LGR5: variants seen among roughly 807,000 people sequenced by gnomAD.
The protein encoded by LGR5 is leucine-rich repeat-containing G protein-coupled receptor 5.
Under a neutral mutation model 76.7 loss-of-function variants are expected in LGR5, and 54 were observed. The ratio of observed to expected loss-of-function variants is 0.70; its 90% CI spans 0.57 to 0.88. LGR5 has a LOEUF of 0.88. LGR5 is among the 40% of genes least tolerant of loss of function. The pLI is 0.00. For synonymous variants in LGR5, 406 were observed against 421.9 expected (o/e 0.96, Z 0.46); for missense variants, 1,078 against 1,073.3 (o/e 1.00, Z -0.06).
Position 71,552,525 on chromosome 12 carries a change from A to G in LGR5, c.429-548A>G, listed in dbSNP as rs999598487. Among the ~76,000 whole-genome samples, 79 of 150,940 alleles carry G rather than the reference A, an allele frequency of 5.2e-4. 1 individual carries two copies. Among genetic ancestry groups the G allele is most frequent in the Non-Finnish European group, 8.8e-5 (6 of 67,910 alleles). ...GGTTGCAGTGAGCCGAGATCGCGCCATTGCACTCCAGCCTGGGCGACAAGA... is the reference window on the plus strand; with the variant it reads ...GGTTGCAGTGAGCCGAGATCGCGCCGTTGCACTCCAGCCTGGGCGACAAGA... On this transcript the variant is annotated intron_variant, in intron 4 of 17. Transcript: ENST00000266674.
intron 1 of LGR5, among the ~76,000 whole-genome samples, chr12:71,502,944 A>G (rs1365832742): frequency 6.6e-6 from 1 of 152,238 alleles, no homozygotes; most frequent in African/African-American, 2.4e-5. Flanking sequence ...ACAGAAAAAT[A>G]TGAGAGAAAA....
intron 4 of LGR5, among the ~76,000 whole-genome samples, chr12:71,540,370 T>C (rs1876814433): frequency 6.6e-6 from 1 of 152,264 alleles, no homozygotes; most frequent in East Asian, 1.9e-4. Context: ...GGTTGGCAAA[T>C]AGAAAATGAA....
intron 8 of LGR5, among the ~76,000 whole-genome samples, chr12:71,565,107 C>A (rs1172832831): frequency 6.6e-6 from 1 of 151,972 alleles, no homozygotes; most frequent in Non-Finnish European, 1.5e-5. Flanking sequence ...TATTCCAGCT[C>A]TAGCTCTTTC....
At chr12:71,566,289 T>C in intron 8 of LGR5, 115 bp from the exon 9 acceptor site, 2 of 699,140 alleles carry the variant, frequency 2.9e-6, no homozygotes, top group East Asian at 5.4e-5. Context: ...TGTTATGTAA[T>C]ACAGTATAAT....
chr12:71,562,305 A>C (rs552495325), intron 8 of LGR5, among the ~76,000 whole-genome samples: 13 of 152,360 alleles, frequency 8.5e-5, no homozygotes, highest in African/African-American at 3.1e-4. Context: ...CTAAGCCTCT[A>C]TCTCCATTCA....
intron 2 of LGR5, among the ~76,000 whole-genome samples, chr12:71,516,146 A>G (rs1250833889): frequency 1.3e-5 from 2 of 152,192 alleles, no homozygotes; most frequent in African/African-American, 2.4e-5. Flanking sequence ...AAATAACAGT[A>G]GGAAATGCAA....
chr12:71,517,032 T>C (rs1875479998), intron 2 of LGR5, among the ~76,000 whole-genome samples: 1 of 152,030 alleles, frequency 6.6e-6, no homozygotes, highest in Non-Finnish European at 1.5e-5. Context: ...TGACCAAATG[T>C]TATGTTGCTC....
At chr12:71,490,745 C>T (rs1343004534) in intron 1 of LGR5, among the ~76,000 whole-genome samples, 1 of 152,022 alleles carries the variant, frequency 6.6e-6, no homozygotes, top group Non-Finnish European at 1.5e-5. Context: ...TGAGCCAGGA[C>T]TCCCAAGGCC....
chr12:71,491,949 T>G (rs1456861055), intron 1 of LGR5, among the ~76,000 whole-genome samples: 2 of 151,792 alleles, frequency 1.3e-5, no homozygotes, highest in African/African-American at 4.8e-5. Context: ...ATTGGAGTAT[T>G]ATAGTGACTA....
chr12:71,546,085 G>A (rs1336182066), intron 4 of LGR5, among the ~76,000 whole-genome samples: 1 of 152,140 alleles, frequency 6.6e-6, no homozygotes, highest in African/African-American at 2.4e-5. Flanking sequence ...GGCCAAGGCA[G>A]GCAGATCACC....
At chr12:71,550,516 A>C (rs1877428685) in intron 4 of LGR5, among the ~76,000 whole-genome samples, 1 of 147,938 alleles carries the variant, frequency 6.8e-6, no homozygotes, top group East Asian at 2.0e-4. Flanking sequence ...GCTGGAGTGC[A>C]GTGGCATGAT....
At chr12:71,487,299 T>A (rs555729112) in intron 1 of LGR5, among the ~76,000 whole-genome samples, 1 of 152,354 alleles carries the variant, frequency 6.6e-6, no homozygotes, top group East Asian at 1.9e-4. Flanking sequence ...TTTTCAAACA[T>A]GTCTCAAATA....
chr12:71,470,782 G>A (rs1873066510), intron 1 of LGR5, among the ~76,000 whole-genome samples: 1 of 152,118 alleles, frequency 6.6e-6, no homozygotes, highest in African/African-American at 2.4e-5. Context: ...GACAGAACAT[G>A]TGCTGTCCCT....
chr12:71,580,269 C>T lies in LGR5; in HGVS notation c.1407-9C>T. 6.3e-7 allele frequency: 1 copy of T among 1,586,658 alleles called. No individual in the cohort carries two copies. The highest frequency in any genetic ancestry group is 8.6e-7 in the Non-Finnish European group (1 of 1,169,478). ...AAGTGTTTTTTGTTTGGGTTTTGTT[C>T]ATTTAAAGGGTTATAGAAATGCCTT... On this transcript the variant is annotated splice_polypyrimidine_tract_variant and intron_variant, in intron 15 of 17. Transcript: ENST00000266674.
At chr12:71,492,213 A>G (rs1392645059) in intron 1 of LGR5, among the ~76,000 whole-genome samples, 1 of 152,152 alleles carries the variant, frequency 6.6e-6, no homozygotes, top group African/African-American at 2.4e-5. Context: ...CACTCGTAAG[A>G]ACAAAGCAGT....
At chr12:71,509,031 G>T (rs1004545216) in intron 2 of LGR5, among the ~76,000 whole-genome samples, 1 of 152,142 alleles carries the variant, frequency 6.6e-6, no homozygotes, top group South Asian at 2.1e-4. Context: ...ATGTGCCCGT[G>T]CATAGAGAAG....
At chr12:71,531,719 T>C (rs1876320589) in intron 3 of LGR5, among the ~76,000 whole-genome samples, 3 of 152,040 alleles carry the variant, frequency 2.0e-5, no homozygotes, top group Non-Finnish European at 4.4e-5. Context: ...AATATAAAAA[T>C]TAGCCGGCGG....
At chr12:71,465,225 C>A (rs1028495877) in intron 1 of LGR5, among the ~76,000 whole-genome samples, 6 of 152,130 alleles carry the variant, frequency 3.9e-5, no homozygotes, top group Non-Finnish European at 5.9e-5. Flanking sequence ...ACCCTAACAT[C>A]TCCTAAAACT....
chr12:71,502,457 C>CAAAGTGCT (rs1874654238), intron 1 of LGR5, among the ~76,000 whole-genome samples: 2 of 152,140 alleles, frequency 1.3e-5, no homozygotes, highest in Non-Finnish European at 2.9e-5. Flanking sequence ...CTCAGCCTCC[C>CAAAGTGCT]AAAGTGCTGG....
Sources: gnomAD v4.1 joint callset for allele counts (sites outside exome capture counted in the v4.1 genomes callset) on GRCh38, gnomAD v4.1.1 for gene constraint, MANE v1.5 for transcripts, NCBI Gene and HGNC (gene_info 2026-07-23, HGNC 2026-07-21) for gene names.